Variants in ITPR2 observed in about 807,000 individuals in gnomAD.
ITPR2 encodes inositol 1,4,5-trisphosphate receptor type 2, also known as inositol 1,4,5-trisphosphate-gated calcium channel ITPR2.
ITPR2 carries 207 observed loss-of-function variants against 317.1 expected under a neutral mutation model. That is an observed-to-expected ratio of 0.65 (90% confidence interval 0.58 to 0.73). ITPR2 has a LOEUF of 0.73. Ranked by LOEUF, ITPR2 falls within the 30% of genes least tolerant of loss-of-function variation. The pLI is 0.00. For missense variants in ITPR2, 2,613 were observed against 3,284.0 expected (o/e 0.80, Z 4.99); for synonymous variants, 1,156 against 1,149.1 (o/e 1.01, Z -0.12).
chr12:26,706,102 T>A (rs117639323), intron 9 of ITPR2, among the ~76,000 whole-genome samples: 4,425 of 152,306 alleles, frequency 0.029, 65 homozygotes, highest in Middle Eastern at 0.078. Context: ...TCCAGAGCAG[T>A]GCTGCCCACC....
At chr12:26,538,173 G>A (rs1591872896) in intron 37 of ITPR2, among the ~76,000 whole-genome samples, 1 of 152,170 alleles carries the variant, frequency 6.6e-6, no homozygotes, top group Admixed American at 6.5e-5. Context: ...GTCATCTTTT[G>A]TTGTGTGATC....
chr12:26,580,240 G>C, intron 32 of ITPR2, 85 bp from the exon 33 acceptor site: 1 of 1,217,580 alleles, frequency 8.2e-7, no homozygotes, highest in Non-Finnish European at 1.1e-6. Context: ...AAATTGTCCT[G>C]AAATAGTTGT....
At chr12:26,657,307 C>T (rs781576380) in intron 18 of ITPR2, among the ~76,000 whole-genome samples, 9 of 152,134 alleles carry the variant, frequency 5.9e-5, no homozygotes, top group African/African-American at 7.2e-5. Flanking sequence ...ATTCATAATC[C>T]ACTCTATACT....
intron 32 of ITPR2, among the ~76,000 whole-genome samples, chr12:26,585,418 T>C (rs1037274273): frequency 6.6e-6 from 1 of 152,204 alleles, no homozygotes; most frequent in African/African-American, 2.4e-5. Flanking sequence ...TATCGTATTA[T>C]CATAAAAGTA....
Position 26,665,928 on chromosome 12 carries a change from T to C in ITPR2, c.1533A>G (p.Glu511=), listed in dbSNP as rs757194962. The change falls in exon 14 of 57, where the codon GAA becomes GAG. Residue 511 remains glutamate, a synonymous_variant. Coordinates refer to ENST00000381340, the MANE Select transcript of ITPR2 (RefSeq NM_002223.4). ...PNRERQKLMR[E]QNILAQVFGI... Reference sequence around the variant, plus strand: ...AATTCACCTGTGCCAGTATGTTTTGTTCCCTCATCAATTTTTGACGCTCTC... The same window carrying C: ...AATTCACCTGTGCCAGTATGTTTTGCTCCCTCATCAATTTTTGACGCTCTC... The C allele has an allele frequency of 6.2e-7, 1 of 1,613,084 alleles. No homozygotes were observed. Among genetic ancestry groups the C allele is most frequent in the South Asian group, 1.1e-5 (1 of 90,732 alleles).
At chr12:26,503,763 A>G (rs1479826501) in intron 37 of ITPR2, among the ~76,000 whole-genome samples, 2 of 152,264 alleles carry the variant, frequency 1.3e-5, no homozygotes, top group East Asian at 1.9e-4. Context: ...CTTGGCCCAT[A>G]GCAAGTACTG....
At chr12:26,633,686 C>T (rs927437260) in intron 21 of ITPR2, among the ~76,000 whole-genome samples, 1 of 152,202 alleles carries the variant, frequency 6.6e-6, no homozygotes, top group African/African-American at 2.4e-5. Flanking sequence ...CCTCCCCCTG[C>T]TTGCTACATG....
At chr12:26,470,233 C>T (rs918757803) in intron 45 of ITPR2, among the ~76,000 whole-genome samples, 2 of 152,200 alleles carry the variant, frequency 1.3e-5, no homozygotes, top group Non-Finnish European at 2.9e-5. Flanking sequence ...TATGTCTTTA[C>T]AGATGAAGCA....
chr12:26,736,569 G>A (rs1949121668), intron 2 of ITPR2, among the ~76,000 whole-genome samples: 1 of 152,138 alleles, frequency 6.6e-6, no homozygotes, highest in Admixed American at 6.5e-5. Context: ...AACATAATTA[G>A]AATGCCCTAT....
intron 45 of ITPR2, among the ~76,000 whole-genome samples, chr12:26,461,386 C>T (rs1403574167): frequency 3.3e-5 from 5 of 151,904 alleles, no homozygotes; most frequent in Admixed American, 2.6e-4. Flanking sequence ...ATTCAGCATG[C>T]CACCTGTTTT....
intron 1 of ITPR2, among the ~76,000 whole-genome samples, chr12:26,811,770 C>T (rs1445549203): frequency 6.8e-6 from 1 of 147,446 alleles, no homozygotes; most frequent in Non-Finnish European, 1.5e-5. Flanking sequence ...AGGAGAATGG[C>T]GCGAACCCCG....
chr12:26,828,518 T>C (rs11048695), intron 1 of ITPR2, among the ~76,000 whole-genome samples: 27,890 of 152,150 alleles, frequency 0.18, 2,652 homozygotes, highest in East Asian at 0.22. Flanking sequence ...AAAACTGCAA[T>C]GTCACAGACA....
chr12:26,772,810 A>G (rs918522477), intron 2 of ITPR2, among the ~76,000 whole-genome samples: 11 of 151,226 alleles, frequency 7.3e-5, no homozygotes, highest in African/African-American at 2.7e-4. Flanking sequence ...ATAGGTGTAC[A>G]TGTGTCATGG....
intron 5 of ITPR2, among the ~76,000 whole-genome samples, chr12:26,716,476 G>C (rs1014302671): frequency 2.7e-5 from 4 of 150,346 alleles, no homozygotes; most frequent in Admixed American, 2.6e-4. Context: ...AAGCTAGTGT[G>C]GATCTTTTTC....
In ITPR2 at chr12:26,711,227, C is replaced by A; in HGVS notation, c.897G>T (p.Trp299Cys). The change falls in exon 9 of 57, where the codon TGG becomes TGT. Residue 299 changes from tryptophan to cysteine, a missense_variant. Coordinates refer to ENST00000381340, the MANE Select transcript of ITPR2 (RefSeq NM_002223.4). The part of the protein sequence containing the change: ...HDPCRGGAGQ[W>C]NSLFRFKHLA... Reference sequence around the variant, plus strand: ...GATGCTTAAATCTGAACAAGCTGTTCCACTGTCCTGCACCCCCACGGCATG... The same window carrying A: ...GATGCTTAAATCTGAACAAGCTGTTACACTGTCCTGCACCCCCACGGCATG... 1 of 1,613,942 alleles carries A rather than the reference C, an allele frequency of 6.2e-7. No homozygotes were observed. The highest frequency in any genetic ancestry group is 8.5e-7 in the Non-Finnish European group (1 of 1,179,898).
At chr12:26,748,074 T>C (rs1005777212) in intron 2 of ITPR2, among the ~76,000 whole-genome samples, 3 of 152,194 alleles carry the variant, frequency 2.0e-5, no homozygotes, top group Non-Finnish European at 4.4e-5. Flanking sequence ...GTTTTGTTTT[T>C]TTGAGATGGA....
chr12:26,638,332 T>G (rs1288970637), intron 21 of ITPR2, among the ~76,000 whole-genome samples: 1 of 152,212 alleles, frequency 6.6e-6, no homozygotes, highest in Non-Finnish European at 1.5e-5. Flanking sequence ...TTACTTACAG[T>G]GAAATGCACT....
At chr12:26,695,701 A>G (rs1459587688) in intron 9 of ITPR2, 51 bp from the exon 10 acceptor site, 1 of 1,172,662 alleles carries the variant, frequency 8.5e-7, no homozygotes, top group Non-Finnish European at 1.3e-6. Context: ...AAAGCACACT[A>G]ACAAGACCAT....
intron 55 of ITPR2, among the ~76,000 whole-genome samples, chr12:26,356,999 T>C (rs76087047): frequency 7.0e-4 from 107 of 152,344 alleles, no homozygotes; most frequent in African/African-American, 2.5e-3. Flanking sequence ...ATGAAGCCAG[T>C]CTGATGAAAT....
Sources: allele counts gnomAD v4.1 joint callset (sites outside exome capture counted in the v4.1 genomes callset), GRCh38; gene constraint gnomAD v4.1.1; transcripts MANE v1.5; gene names NCBI Gene and HGNC (gene_info 2026-07-23, HGNC 2026-07-21).